Variants in BICRAL observed in about 807,000 individuals in gnomAD.
BICRAL encodes BICRA like chromatin remodeling complex associated protein.
BICRAL carries 8 observed loss-of-function variants against 91.8 expected under a neutral mutation model. That is an observed-to-expected ratio of 0.09 (90% CI 0.05 to 0.16). The LOEUF is 0.16. Ranked by LOEUF, BICRAL falls within the 10% of genes least tolerant of loss-of-function variation. The pLI, the probability that BICRAL is intolerant of heterozygous loss-of-function variation, is 1.00. For missense variants in BICRAL, 1,038 were observed against 1,310.9 expected, an observed-to-expected ratio of 0.79 and a Z score of 3.21; for synonymous variants, 445 against 491.1, an observed-to-expected ratio of 0.91 and a Z score of 1.24.
chr6:42,849,735 G>A (rs994910258), intron 6 of BICRAL, among the ~76,000 whole-genome samples: 5 of 150,510 alleles, frequency 3.3e-5, no homozygotes, highest in African/African-American at 1.2e-4. Context: ...CACTGCGCCC[G>A]GCCTAGAACA....
chr6:42,857,606 A>ATATAT lies in BICRAL; in HGVS notation c.2254+370_2254+371insTATAT, dbSNP rs1562497905. 1.4e-3 allele frequency among the ~76,000 whole-genome samples: 144 copies of ATATAT among 99,404 alleles called. 1 individual carries two copies. Among genetic ancestry groups the ATATAT allele is most frequent in the African/African-American group, 8.6e-3 (127 of 14,750 alleles). 65.2% of individuals were successfully genotyped at this position (99,404 alleles called of 152,430 possible). ...ATAGGGAGACACTGTCTCTTAAAAA[A>ATATAT]AAAAAAAAATATATATATATATATA... On this transcript the variant is annotated intron_variant, in intron 10 of 12. Transcript: ENST00000314073.
intron 6 of BICRAL, among the ~76,000 whole-genome samples, chr6:42,844,195 C>T (rs1764906510): frequency 6.6e-6 from 1 of 151,098 alleles, no homozygotes; most frequent in African/African-American, 2.4e-5. Context: ...GAGAACCCCA[C>T]AGCACCTCAA....
chr6:42,864,915 A>G lies in BICRAL; in HGVS notation c.2709A>G (p.Ala903=), dbSNP rs764490249. ...ISKKTECLGR[A]LKFDKVGLVQ... ...AAAAAACAGAATGCCTTGGCAGAGC[A>G]CTGAAATTTGACAAAGTGGGCTTAG... Residue 903 remains alanine (A), a synonymous_variant, in exon 13 of 13, where the codon GCA becomes GCG. Coordinates refer to ENST00000314073, the MANE Select transcript of BICRAL (RefSeq NM_001393499.1). The G allele has an allele frequency of 1.9e-5, 31 of 1,614,068 alleles. No homozygotes were observed. The highest frequency in any genetic ancestry group is 2.7e-5 in the African/African-American group (2 of 74,930).
At chr6:42,845,966 G>T (rs1432804947) in intron 6 of BICRAL, among the ~76,000 whole-genome samples, 1 of 150,396 alleles carries the variant, frequency 6.6e-6, no homozygotes, top group Middle Eastern at 3.4e-3. Context: ...AGCTAATCGG[G>T]AGGCTGAGGC....
chr6:42,760,853 C>A (rs1762532790), intron 1 of BICRAL, among the ~76,000 whole-genome samples: 1 of 152,152 alleles, frequency 6.6e-6, no homozygotes, highest in Non-Finnish European at 1.5e-5. Flanking sequence ...GAAACCCGAT[C>A]TCTACCAAAA....
chr6:42,800,993 C>T (rs1289725704), intron 1 of BICRAL, among the ~76,000 whole-genome samples: 1 of 152,126 alleles, frequency 6.6e-6, no homozygotes. Flanking sequence ...TGACTCATGC[C>T]TGTAATCCCA....
chr6:42,803,235 A>G (rs917896078), intron 1 of BICRAL, among the ~76,000 whole-genome samples: 1 of 152,174 alleles, frequency 6.6e-6, no homozygotes, highest in African/African-American at 2.4e-5. Flanking sequence ...AGGTTTGTTA[A>G]ATATTAAGTG....
chr6:42,861,114 G>A (rs564760009), intron 11 of BICRAL, among the ~76,000 whole-genome samples: 21 of 152,172 alleles, frequency 1.4e-4, no homozygotes, highest in East Asian at 9.6e-4. Flanking sequence ...CAACAAGAGC[G>A]AAACTCTGTC....
chr6:42,834,556 G>A (rs1298918045), intron 6 of BICRAL, among the ~76,000 whole-genome samples: 4 of 152,106 alleles, frequency 2.6e-5, no homozygotes, highest in Admixed American at 2.6e-4. Context: ...TTAAGGAACA[G>A]CTTTTCCTTT....
chr6:42,816,059 G>GTAGGC (rs1178020868), intron 2 of BICRAL, among the ~76,000 whole-genome samples: 1 of 150,280 alleles, frequency 6.7e-6, no homozygotes, highest in Non-Finnish European at 1.5e-5. Flanking sequence ...CTCCAGGCCA[G>GTAGGC]TAGGCTGCTT....
intron 6 of BICRAL, among the ~76,000 whole-genome samples, chr6:42,832,864 A>G (rs972222021): frequency 2.0e-5 from 3 of 152,148 alleles, no homozygotes; most frequent in Non-Finnish European, 4.4e-5. Context: ...TAACCACAGT[A>G]CAGTAATGAA....
intron 6 of BICRAL, among the ~76,000 whole-genome samples, chr6:42,831,626 G>A (rs1417439905): frequency 6.6e-6 from 1 of 152,106 alleles, no homozygotes; most frequent in Non-Finnish European, 1.5e-5. Context: ...TCATCTGGGA[G>A]GACCCATGCC....
At chr6:42,774,638 C>CTTGTA (rs58015232) in intron 1 of BICRAL, among the ~76,000 whole-genome samples, 7 of 151,788 alleles carry the variant, frequency 4.6e-5, no homozygotes, top group African/African-American at 7.3e-5. Context: ...TATAAGAGTA[C>CTTGTA]CTTTGCACAG....
intron 6 of BICRAL, among the ~76,000 whole-genome samples, chr6:42,836,144 T>C (rs962800674): frequency 3.9e-5 from 6 of 152,180 alleles, no homozygotes; most frequent in African/African-American, 1.2e-4. Flanking sequence ...CAACACGCCA[T>C]AGACGTTTTC....
intron 6 of BICRAL, among the ~76,000 whole-genome samples, chr6:42,845,494 G>T (rs559981861): frequency 9.2e-5 from 14 of 151,976 alleles, no homozygotes; most frequent in African/African-American, 3.4e-4. Flanking sequence ...ACATGTTTGG[G>T]AGATGTGTTT....
intron 6 of BICRAL, among the ~76,000 whole-genome samples, chr6:42,844,105 A>G (rs745878676): frequency 6.7e-6 from 1 of 148,158 alleles, no homozygotes; most frequent in Non-Finnish European, 1.5e-5. Context: ...CCTGGCCAGC[A>G]TATAAATTTC....
chr6:42,833,116 C>T (rs1764542859), intron 6 of BICRAL, among the ~76,000 whole-genome samples: 1 of 150,292 alleles, frequency 6.7e-6, no homozygotes, highest in African/African-American at 2.5e-5. Context: ...AGTGCAGTAG[C>T]CCGATCTCAG....
At position 42,855,937 on chromosome 6, in the gene BICRAL, G is replaced by A; in HGVS notation, c.2108+20G>A. On this transcript the variant is annotated intron_variant, in intron 9 of 12. Transcript: ENST00000314073. ...AGCTTTGTGAGTTACTCTCGGAAAT[G>A]ACAAATCAATTCTGAACACTTCTTT... 1.2e-6 allele frequency: 2 copies of A among 1,602,918 alleles called. No homozygotes were observed. The highest frequency in any genetic ancestry group is 1.7e-6 in the Non-Finnish European group (2 of 1,169,876).
chr6:42,764,849 C>T (rs558158777), intron 1 of BICRAL, among the ~76,000 whole-genome samples: 6 of 151,994 alleles, frequency 3.9e-5, no homozygotes, highest in African/African-American at 1.2e-4. Flanking sequence ...TTAGTAGAGA[C>T]GGGATTTTAC....
Sources: gnomAD v4.1 joint callset for allele counts (sites outside exome capture counted in the v4.1 genomes callset) on GRCh38, gnomAD v4.1.1 for gene constraint, MANE v1.5 for transcripts, NCBI Gene and HGNC (gene_info 2026-07-23, HGNC 2026-07-21) for gene names.